CROT: variants seen among roughly 807,000 people sequenced by gnomAD.
CROT encodes carnitine O-octanoyltransferase.
Under a neutral mutation model 89.2 loss-of-function variants are expected in CROT, and 84 were observed. The ratio of observed to expected loss-of-function variants is 0.94; its 90% CI spans 0.79 to 1.13. CROT has a LOEUF of 1.13. Ranked by LOEUF, CROT falls within the 50% of genes most tolerant of loss-of-function variation. The pLI, the probability that CROT is intolerant of heterozygous loss-of-function variation, is 0.00. For synonymous variants in CROT, 212 were observed against 239.5 expected, an observed-to-expected ratio of 0.89 and a Z score of 1.06; for missense variants, 711 against 727.8, an observed-to-expected ratio of 0.98 and a Z score of 0.27.
chr7:87,378,907 C>T (rs73196425), intron 10 of CROT, among the ~76,000 whole-genome samples: 6,955 of 152,262 alleles, frequency 0.046, 209 homozygotes, highest in Middle Eastern at 0.061. Flanking sequence ...AAGTAAATGT[C>T]TATTGGAGTA....
At chr7:87,383,696 C>A (rs375322595) in intron 13 of CROT, among the ~76,000 whole-genome samples, 4 of 151,994 alleles carry the variant, frequency 2.6e-5, no homozygotes, top group African/African-American at 4.8e-5. Context: ...GGGGTTTCGT[C>A]GTGTTGGCCA....
Position 87,381,966 on chromosome 7 carries a change from A to C in CROT, c.1035A>C (p.Lys345Asn), listed in dbSNP as rs1807023026. The C allele has an allele frequency of 1.9e-6, 3 of 1,609,678 alleles. No homozygotes were observed. The highest frequency in any genetic ancestry group is 2.5e-6 in the Non-Finnish European group (3 of 1,177,222). Reference protein sequence around the residue: ...MVNISYYVDEKIFQNEGRWKG... With the variant: ...MVNISYYVDENIFQNEGRWKG... Reference sequence around the variant, plus strand: ...ACATCAGTTATTATGTGGATGAGAAAATTTTTCAGAATGAAGGAAGATGGA... The same window carrying C: ...ACATCAGTTATTATGTGGATGAGAACATTTTTCAGAATGAAGGAAGATGGA... Residue 345 changes from lysine to asparagine, a missense_variant, in exon 11 of 18, where the codon AAA (lysine) becomes AAC (asparagine). Lys to Asn is a moderately conservative substitution (Grantham distance 94). Transcript: ENST00000331536.
chr7:87,382,324 ATTACT>A (rs1807037988), intron 12 of CROT, 84 bp from the exon 13 acceptor site: 1 of 1,456,142 alleles, frequency 6.9e-7, no homozygotes, highest in Non-Finnish European at 9.4e-7. Context: ...ATGTCTGGTG[ATTACT>A]TTAATGCAGG....
In CROT at chr7:87,391,712, T is replaced by C; in HGVS notation, c.1425T>C (p.Asn475=). 6.2e-7 allele frequency: 1 copy of C among 1,604,720 alleles called. No individual in the cohort carries two copies. The highest frequency in any genetic ancestry group is 8.5e-7 in the Non-Finnish European group (1 of 1,177,180). ...WCQSMQDPSV[N]LRERQQKMLQ... ...AGTCCATGCAGGATCCTTCTGTCAA[T>C]GTGAGTATTGGAAAGGAAAAAAACT... is the stretch of plus-strand genomic sequence containing the variant. Residue 475 remains asparagine, a splice_region_variant and synonymous_variant, in exon 14 of 18, where the codon AAT becomes AAC. Coordinates refer to ENST00000331536, the MANE Select transcript of CROT (RefSeq NM_021151.4).
chr7:87,386,755 G>A (rs1180276000), intron 13 of CROT, among the ~76,000 whole-genome samples: 2 of 152,212 alleles, frequency 1.3e-5, no homozygotes, highest in South Asian at 2.1e-4. Context: ...TAACACTGCT[G>A]AACAACCTCT....
intron 17 of CROT, among the ~76,000 whole-genome samples, chr7:87,396,917 TG>T (rs1807544949): frequency 6.6e-6 from 1 of 152,208 alleles, no homozygotes; most frequent in Admixed American, 6.5e-5. Flanking sequence ...TTTTGATGGT[TG>T]TATAATTTCC....
chr7:87,359,333 A>G lies in CROT; in HGVS notation c.240+3A>G, dbSNP rs1478919302. The G allele has an allele frequency of 5.7e-6, 9 of 1,590,678 alleles. No individual in the cohort carries two copies. The highest frequency in any genetic ancestry group is 7.7e-6 in the Non-Finnish European group (9 of 1,164,374). The stretch of plus-strand genomic sequence containing the variant: ...GAGCAAAAGGAAAAAGAAATTGGGT[A>G]TTTGTTGTTATAATTGAATAATGAT... On this transcript the variant is annotated splice_donor_region_variant and intron_variant, in intron 4 of 17. Coordinates refer to ENST00000331536, the MANE Select transcript of CROT (RefSeq NM_021151.4).
intron 2 of CROT, among the ~76,000 whole-genome samples, chr7:87,346,641 G>A (rs1805687619): frequency 1.3e-5 from 2 of 152,278 alleles, no homozygotes; most frequent in Non-Finnish European, 2.9e-5. Flanking sequence ...TTTTTAATGT[G>A]TACCGGTTGG....
intron 12 of CROT, 65 bp downstream of exon 12, chr7:87,382,246 T>C: frequency 6.8e-7 from 1 of 1,462,354 alleles, no homozygotes; most frequent in East Asian, 2.3e-5. Context: ...ATGTAAAAAT[T>C]TGGCTGTCAT....
chr7:87,353,951 C>A (rs543024622), intron 3 of CROT, among the ~76,000 whole-genome samples: 1 of 152,108 alleles, frequency 6.6e-6, no homozygotes, highest in Non-Finnish European at 1.5e-5. Context: ...CATGGTGTGA[C>A]TAAAAGCTGT....
chr7:87,357,717 T>G, intron 3 of CROT: 1 of 605,702 alleles, frequency 1.7e-6, no homozygotes, highest in Non-Finnish European at 2.9e-6. Context: ...ATATAGAGCC[T>G]TTATCTATGT....
At position 87,393,005 on chromosome 7, in the gene CROT, G is replaced by A. The variant is rs1807419292; in HGVS notation, c.1656G>A (p.Gln552=). Residue 552 remains glutamine, a synonymous_variant, in exon 17 of 18, where the codon CAG becomes CAA. Coordinates refer to ENST00000331536, the MANE Select transcript of CROT (RefSeq NM_021151.4). Reference sequence around the variant, plus strand: ...GTCTGGTTGGCTATTTACGAGTCCAGGGAGTGGTAGTTCCCATGGTACACA... The same window carrying A: ...GTCTGGTTGGCTATTTACGAGTCCAAGGAGTGGTAGTTCCCATGGTACACA... ...STSLVGYLRV[Q]GVVVPMVHNG... is the part of the protein sequence containing the mutation. 1 of 1,613,512 alleles carries A rather than the reference G, an allele frequency of 6.2e-7. No homozygotes were observed. The highest frequency in any genetic ancestry group is 1.7e-5 in the Admixed American group (1 of 59,954).
chr7:87,389,588 ACAG>A (rs1429304931), intron 13 of CROT, among the ~76,000 whole-genome samples: 1 of 150,710 alleles, frequency 6.6e-6, no homozygotes, highest in Non-Finnish European at 1.5e-5. Flanking sequence ...ATACATGGAC[ACAG>A]GAAGGGAACA....
At chr7:87,385,574 T>C (rs1222440514) in intron 13 of CROT, among the ~76,000 whole-genome samples, 1 of 152,172 alleles carries the variant, frequency 6.6e-6, no homozygotes, top group Non-Finnish European at 1.5e-5. Context: ...TGTTTATCAC[T>C]CTAATGGCTG....
Position 87,382,550 on chromosome 7 carries a change from A to T in CROT, c.1301+7A>T, listed in dbSNP as rs1177699932. ...ATTACAGACTTCATGGACAGTAAGG[A>T]CCATTCAGTTTCTATTTTCACAGTC... On this transcript the variant is annotated splice_region_variant and intron_variant, in intron 13 of 17. Transcript: ENST00000331536. 6.2e-7 allele frequency: 1 copy of T among 1,606,438 alleles called. No homozygotes were observed. Among genetic ancestry groups the T allele is most frequent in the Non-Finnish European group, 8.5e-7 (1 of 1,177,932 alleles).
At chr7:87,354,397 T>A in intron 3 of CROT, 1 of 518,886 alleles carries the variant, frequency 1.9e-6, no homozygotes, top group South Asian at 1.4e-5. Context: ...GTGCTTGGAT[T>A]TAACTGGACC....
At chr7:87,378,848 T>C (rs1271932871) in intron 10 of CROT, among the ~76,000 whole-genome samples, 1 of 152,150 alleles carries the variant, frequency 6.6e-6, no homozygotes, top group Non-Finnish European at 1.5e-5. Flanking sequence ...TAAAGAACAG[T>C]AAAGTAGCTG....
chr7:87,394,868 C>T (rs918567126), intron 17 of CROT, among the ~76,000 whole-genome samples: 1 of 151,834 alleles, frequency 6.6e-6, no homozygotes, highest in Non-Finnish European at 1.5e-5. Context: ...TTAAAAATGT[C>T]AAGATAACAG....
intron 3 of CROT, among the ~76,000 whole-genome samples, chr7:87,352,025 A>G (rs368426897): frequency 6.6e-6 from 1 of 152,150 alleles, no homozygotes; most frequent in South Asian, 2.1e-4. Context: ...TGTTTTGTCA[A>G]TCTTATGATT....
Sources: gnomAD v4.1 joint callset for allele counts (sites outside exome capture counted in the v4.1 genomes callset) on GRCh38, gnomAD v4.1.1 for gene constraint, MANE v1.5 for transcripts, NCBI Gene and HGNC (gene_info 2026-07-23, HGNC 2026-07-21) for gene names.